GABRP: variants seen among roughly 807,000 people sequenced by gnomAD.
GABRP encodes gamma-aminobutyric acid receptor subunit pi.
A neutral mutation model predicts 47.8 loss-of-function variants in GABRP; 52 were observed. The ratio of observed to expected loss-of-function variants is 1.09; its 90% confidence interval spans 0.87 to 1.37. The LOEUF (loss-of-function observed/expected upper bound fraction) is 1.37. Ranked by LOEUF, GABRP falls within the 40% of genes most tolerant of loss-of-function variation. The pLI is 0.00. For synonymous variants in GABRP, 221 were observed against 205.8 expected (o/e 1.07, Z -0.63); for missense variants, 525 against 542.8 (o/e 0.97, Z 0.33).
chr5:170,784,427 C>G (rs113994378), intron 1 of GABRP, among the ~76,000 whole-genome samples: 63 of 152,216 alleles, frequency 4.1e-4, no homozygotes, highest in Non-Finnish European at 1.5e-5. Context: ...GACATAGAGG[C>G]CAAGAGCACG....
chr5:170,795,663 T>C (rs1765408181), intron 5 of GABRP, among the ~76,000 whole-genome samples: 1 of 152,122 alleles, frequency 6.6e-6, no homozygotes, highest in Non-Finnish European at 1.5e-5. Context: ...TGACCTGTCC[T>C]CAAGACACGG....
At chr5:170,805,354 C>T (rs1765702116) in intron 6 of GABRP, among the ~76,000 whole-genome samples, 1 of 152,048 alleles carries the variant, frequency 6.6e-6, no homozygotes, top group South Asian at 2.1e-4. Flanking sequence ...AAAATATCAT[C>T]AGAGCTATTA....
At chr5:170,807,860 CCAA>C (rs1765778165) in intron 7 of GABRP, among the ~76,000 whole-genome samples, 1 of 152,110 alleles carries the variant, frequency 6.6e-6, no homozygotes, top group Admixed American at 6.5e-5. Flanking sequence ...CTGTTTTTCC[CCAA>C]CAACAATCTA....
In GABRP at chr5:170,808,758, C is replaced by A. The variant is rs1453549410; in HGVS notation, c.832+6C>A. ...CCCTGCAAGAACCTGCATTGGTAAG[C>A]AGCTCCAACAGGAGATTTCTAAGAA... is the stretch of plus-strand genomic sequence containing the variant. On this transcript the variant is annotated splice_donor_region_variant and intron_variant, in intron 8 of 9. Coordinates refer to ENST00000265294, the MANE Select transcript of GABRP (RefSeq NM_014211.3). The A allele has an allele frequency of 1.2e-6, 2 of 1,612,548 alleles. No individual in the cohort carries two copies. Among genetic ancestry groups the A allele is most frequent in the Non-Finnish European group, 1.7e-6 (2 of 1,179,296 alleles).
At chr5:170,784,856 T>C (rs1479164827) in intron 1 of GABRP, among the ~76,000 whole-genome samples, 1 of 152,186 alleles carries the variant, frequency 6.6e-6, no homozygotes, top group East Asian at 1.9e-4. Flanking sequence ...TGGCCAGAGA[T>C]GCCCTCGGGG....
In GABRP at chr5:170,789,202, A is replaced by G. The variant is rs1561806629; in HGVS notation, c.127A>G (p.Asn43Asp). ...SDKLSLPGFENLTAGYNKFLR... is the reference protein window; with the variant it reads ...SDKLSLPGFEDLTAGYNKFLR... Reference sequence around the variant, plus strand: ...CAAGCTTTCCCTGCCTGGCTTTGAGAACCTCACAGCAGGATATAACAAATT... The same window carrying G: ...CAAGCTTTCCCTGCCTGGCTTTGAGGACCTCACAGCAGGATATAACAAATT... The change falls in exon 3 of 10, where the codon AAC becomes GAC. Residue 43 changes from asparagine (N) to aspartate (D), a missense_variant. Coordinates refer to ENST00000265294, the MANE Select transcript of GABRP (RefSeq NM_014211.3). 2 of 1,614,050 alleles carry G rather than the reference A, an allele frequency of 1.2e-6. No individual in the cohort carries two copies. The highest frequency in any genetic ancestry group is 1.7e-6 in the Non-Finnish European group (2 of 1,179,998).
chr5:170,801,101 A>G (rs1765577915), intron 6 of GABRP, among the ~76,000 whole-genome samples: 1 of 152,204 alleles, frequency 6.6e-6, no homozygotes, highest in Non-Finnish European at 1.5e-5. Flanking sequence ...TTGCAGATAG[A>G]GAAATTGAGG....
Position 170,788,620 on chromosome 5 carries a change from A to T in GABRP, c.5A>T (p.Asn2Ile). The change falls in exon 2 of 10, where the codon AAC (asparagine) becomes ATC (isoleucine). Residue 2 changes from asparagine to isoleucine, a missense_variant. Transcript: ENST00000265294. ...TGGTGTGAGCAGCTTCTCAACATGA[A>T]CTACAGCCTCCACTTGGCCTTCGTG... MNYSLHLAFVCL... is the reference protein window; with the variant it reads MIYSLHLAFVCL... 1 of 1,614,130 alleles carries T rather than the reference A, an allele frequency of 6.2e-7. No individual in the cohort carries two copies. The highest frequency in any genetic ancestry group is 8.5e-7 in the Non-Finnish European group (1 of 1,180,004).
At chr5:170,792,258 C>A (rs1309205788) in intron 3 of GABRP, among the ~76,000 whole-genome samples, 1 of 152,104 alleles carries the variant, frequency 6.6e-6, no homozygotes, top group African/African-American at 2.4e-5. Context: ...GCCTGGTCAA[C>A]ATGGTGAAAC....
In GABRP at chr5:170,809,550, C is replaced by T. The variant is rs769713186; in HGVS notation, c.833-18C>T. The T allele has an allele frequency of 6.2e-7, 1 of 1,612,312 alleles. No homozygotes were observed. Among genetic ancestry groups the T allele is most frequent in the Non-Finnish European group, 8.5e-7 (1 of 1,179,520 alleles). ...TAACCAGTCACTTTGTAGGAACATC[C>T]CCTGCCTGTTTTCCCAGGAGTGACG... On this transcript the variant is annotated intron_variant, in intron 8 of 9. Transcript: ENST00000265294.
At chr5:170,792,428 G>A (rs1375378100) in intron 3 of GABRP, among the ~76,000 whole-genome samples, 1 of 132,602 alleles carries the variant, frequency 7.5e-6, no homozygotes, top group Non-Finnish European at 1.6e-5. Context: ...GGCGACAAGA[G>A]GGAGACTCCA....
Position 170,805,762 on chromosome 5 carries a change from C to G in GABRP, c.588C>G (p.Asn196Lys), listed in dbSNP as rs765981038. 1 of 1,614,166 alleles carries G rather than the reference C, an allele frequency of 6.2e-7. No homozygotes were observed. Among genetic ancestry groups the G allele is most frequent in the Non-Finnish European group, 8.5e-7 (1 of 1,180,030 alleles). The change falls in exon 7 of 10, where the codon AAC becomes AAG. Residue 196 changes from asparagine to lysine, a missense_variant. Asn to Lys is a moderately conservative substitution (Grantham distance 94, BLOSUM62 0). Transcript: ENST00000265294. ...NDVEFTWLRG[N>K]DSVRGLEHLR... ...TGGAGTTCACCTGGCTGAGAGGGAACGACTCTGTGCGTGGACTGGAACACC... is the reference window on the plus strand; with the variant it reads ...TGGAGTTCACCTGGCTGAGAGGGAAGGACTCTGTGCGTGGACTGGAACACC...
chr5:170,808,690 T>C lies in GABRP; in HGVS notation c.770T>C (p.Val257Ala), dbSNP rs757852678. The change falls in exon 8 of 10, where the codon GTG becomes GCG. Residue 257 changes from valine (V) to alanine (A), a missense_variant. By Grantham distance (64) the Val-to-Ala change is moderately conservative. Coordinates refer to ENST00000265294, the MANE Select transcript of GABRP (RefSeq NM_014211.3). ...ACCTACGTTCCTTCCACTTTCCTGG[T>C]GGTGTTGTCCTGGGTTTCATTTTGG... ...LETYVPSTFL[V>A]VLSWVSFWIS... 9 of 1,614,046 alleles carry C rather than the reference T, an allele frequency of 5.6e-6. No individual in the cohort carries two copies. In the African/African-American group the frequency reaches 1.1e-4, roughly 19 times the overall value.
intron 4 of GABRP, among the ~76,000 whole-genome samples, chr5:170,794,992 C>T (rs1765384555): frequency 6.8e-6 from 1 of 146,772 alleles, no homozygotes; most frequent in Non-Finnish European, 1.5e-5. Context: ...TGCCACTAAC[C>T]CAAGACTGGG....
chr5:170,782,795 C>T (rs540667924), upstream of GABRP: 2 of 152,354 alleles, frequency 1.3e-5, no homozygotes, highest in Admixed American at 6.5e-5. Flanking sequence ...CTCTGGGCCT[C>T]GTACCACAGC....
rs141340062 is a variant in GABRP at position 170,790,827 on chromosome 5, T to C, written c.172+1580T>C. Among the ~76,000 whole-genome samples the C allele has an allele frequency of 3.1e-3, 477 of 152,244 alleles. 3 individuals are homozygous for C. Among genetic ancestry groups the C allele is most frequent in the Non-Finnish European group, 4.9e-3 (330 of 68,008 alleles). ...GGTTGGCTGTGGCCCATGAGAAGTG[T>C]GGCCTCGGAGCAAGTGTGGTGGTAG... On this transcript the variant is annotated intron_variant, in intron 3 of 9. Transcript: ENST00000265294.
intron 4 of GABRP, 50 bp downstream of exon 4, chr5:170,794,348 T>A (rs778218185): frequency 9.2e-7 from 1 of 1,091,086 alleles, no homozygotes; most frequent in Admixed American, 2.1e-5. Context: ...CTCTGTGTGT[T>A]TAAAGGGGAT....
At position 170,794,213 on chromosome 5, in the gene GABRP, T is replaced by G; in HGVS notation, c.173-18T>G. 1 of 1,574,990 alleles carries G rather than the reference T, an allele frequency of 6.3e-7. No homozygotes were observed. Among genetic ancestry groups the G allele is most frequent in the South Asian group, 1.1e-5 (1 of 88,548 alleles). The stretch of plus-strand genomic sequence containing the variant: ...TCATGGTTGTGTTTCCATTCTTTCT[T>G]GTTTTTTTTTATCTTAGGAGAACCC... On this transcript the variant is annotated intron_variant, in intron 3 of 9. Transcript: ENST00000265294.
rs140793990 is a variant in GABRP at position 170,794,607 on chromosome 5, G to A, written c.240+309G>A. On this transcript the variant is annotated intron_variant, in intron 4 of 9. Transcript: ENST00000265294. The stretch of plus-strand genomic sequence containing the variant: ...AATGAAGTGGGTACACTTGGTGATG[G>A]ATAAAATTTGGGGAAAGGAATGAAA... 4.4e-3 allele frequency among the ~76,000 whole-genome samples: 670 copies of A among 152,146 alleles called. 15 individuals are homozygous for A. Among genetic ancestry groups the A allele is most frequent in the Admixed American group, 0.027 (419 of 15,286 alleles).
Sources: gnomAD v4.1 joint callset for allele counts (sites outside exome capture counted in the v4.1 genomes callset) on GRCh38, gnomAD v4.1.1 for gene constraint, MANE v1.5 for transcripts, NCBI Gene and HGNC (gene_info 2026-07-23, HGNC 2026-07-21) for gene names.